The following TTI2 variants were observed in gnomAD, a reference collection of about 807,000 sequenced individuals.
TTI2 encodes TELO2 interacting protein 2.
TTI2 carries 26 observed loss-of-function variants against 44.9 expected under a neutral mutation model. The ratio of observed to expected loss-of-function variants is 0.58; its 90% CI spans 0.42 to 0.80. The LOEUF (loss-of-function observed/expected upper bound fraction) is 0.80, where lower values mean the gene tolerates loss of function less well. Ranked by LOEUF, TTI2 falls within the 30% of genes least tolerant of loss-of-function variation. The pLI is 0.00. For synonymous variants in TTI2, 254 were observed against 250.9 expected, an observed-to-expected ratio of 1.01 and a Z score of -0.12; for missense variants, 582 against 611.6, an observed-to-expected ratio of 0.95 and a Z score of 0.51.
rs1176980682 is a variant in TTI2 at position 33,510,074 on chromosome 8, C to T, written c.648-142G>A. 7.2e-6 allele frequency: 5 copies of T among 691,416 alleles called. No homozygotes were observed. In the East Asian group the frequency reaches 1.1e-4, roughly 15 times the overall value. 42.8% of individuals were successfully genotyped at this position (691,416 alleles called of 1,614,324 possible). On this transcript the variant is annotated intron_variant, in intron 2 of 7. Coordinates refer to ENST00000431156, the MANE Select transcript of TTI2 (RefSeq NM_001102401.4). ...ATCGCACATAAGATAACTCTTGATT[C>T]TATATCATACATTCTAAGATCTGGA...
intron 4 of TTI2, among the ~76,000 whole-genome samples, chr8:33,506,168 G>A (rs892593776): frequency 6.6e-5 from 10 of 152,040 alleles, no homozygotes; most frequent in Admixed American, 5.2e-4. Context: ...GTACATATTC[G>A]TATTTACATA....
chr8:33,502,740 C>T (rs1247393281), intron 6 of TTI2, among the ~76,000 whole-genome samples: 1 of 152,114 alleles, frequency 6.6e-6, no homozygotes, highest in Non-Finnish European at 1.5e-5. Flanking sequence ...GCAGGAGAAT[C>T]ACTTGAATCC....
Position 33,512,462 on chromosome 8 carries a change from A to C in TTI2, c.152T>G (p.Val51Gly), listed in dbSNP as rs868202861. ...EARRGNVKDA[V>G]LKDLGDLIEA... ...TATTAGATCACCGAGGTCTTTAAGA[A>C]CTGCATCTTTTACATTGCCTCGTCG... is the stretch of plus-strand genomic sequence containing the variant. Residue 51 changes from valine to glycine, a missense_variant, in exon 2 of 8, where the codon GTT becomes GGT. Transcript: ENST00000431156. 1 of 1,614,086 alleles carries C rather than the reference A, an allele frequency of 6.2e-7. No homozygotes were observed. Among genetic ancestry groups the C allele is most frequent in the African/African-American group, 1.3e-5 (1 of 75,040 alleles).
intron 3 of TTI2, among the ~76,000 whole-genome samples, chr8:33,508,425 G>C (rs1809383619): frequency 6.6e-6 from 1 of 151,734 alleles, no homozygotes; most frequent in East Asian, 1.9e-4. Flanking sequence ...AACATGGTGA[G>C]ACCCTACCTC....
In TTI2 at chr8:33,503,528, ACTCT is replaced by A. The variant is rs1009406044; in HGVS notation, c.1156_1159del (p.Arg386SerfsTer18). 1 of 1,613,894 alleles carries A rather than the reference ACTCT, an allele frequency of 6.2e-7. No homozygotes were observed. The highest frequency in any genetic ancestry group is 1.1e-5 in the South Asian group (1 of 91,072). On this transcript the variant is annotated frameshift_variant, in exon 6 of 8. Transcript: ENST00000431156. LOFTEE classifies it high-confidence loss of function. ...ATAAACCTCCAGATAACCAATGATG[ACTCT>A]CTCCAGCCTCTTTAAGTGCCGGACA...
At chr8:33,509,978 G>GAAAAAAAAA in intron 2 of TTI2, 46 bp from the exon 3 acceptor site, 1 of 265,306 alleles carries the variant, frequency 3.8e-6, no homozygotes, top group Non-Finnish European at 5.7e-6. Context: ...GTGATAAGTA[G>GAAAAAAAAA]CAAAAAAAAA....
chr8:33,509,132 CAAAAAAAAAA>C (rs751009227), intron 3 of TTI2, among the ~76,000 whole-genome samples: 4 of 97,104 alleles, frequency 4.1e-5, no homozygotes, highest in Non-Finnish European at 7.9e-5. Context: ...GATAATGTCT[CAAAAAAAAAA>C]AAAAAAAAAG....
Position 33,504,289 on chromosome 8 carries a change from ATTTTTTTT to A in TTI2, c.928-362_928-355del, listed in dbSNP as rs1169577360. On this transcript the variant is annotated intron_variant, in intron 4 of 7. Coordinates refer to ENST00000431156, the MANE Select transcript of TTI2 (RefSeq NM_001102401.4). Reference sequence around the variant, plus strand: ...ACTTAGTGATACATGATATTTACACATTTTTTTTTTTTTTTTTTTTTTTTTGTGAGACA... The same window carrying A: ...ACTTAGTGATACATGATATTTACACATTTTTTTTTTTTTTTTTGTGAGACA... 1.6e-4 allele frequency among the ~76,000 whole-genome samples: 12 copies of A among 72,992 alleles called. No homozygotes were observed. In the East Asian group the frequency reaches 4.0e-3, roughly 24 times the overall value. The allele number at this position is 72,992 out of a possible 152,430, so 47.9% of individuals were successfully genotyped here.
At chr8:33,502,550 C>A (rs2128827523) in intron 6 of TTI2, among the ~76,000 whole-genome samples, 1 of 152,058 alleles carries the variant, frequency 6.6e-6, no homozygotes, top group South Asian at 2.1e-4. Flanking sequence ...TATAGCCAGG[C>A]ACAGTGGCCC....
At chr8:33,511,919 T>A (rs935196768) in intron 2 of TTI2, 48 bp downstream of exon 2, 50 of 1,584,894 alleles carry the variant, frequency 3.2e-5, no homozygotes, top group African/African-American at 8.1e-5. Flanking sequence ...AAAATAAAAA[T>A]AAAAAACTGT....
At chr8:33,511,741 C>A (rs1809535320) in intron 2 of TTI2, among the ~76,000 whole-genome samples, 2 of 151,796 alleles carry the variant, frequency 1.3e-5, no homozygotes, top group Admixed American at 6.6e-5. Context: ...TACAAAAAAT[C>A]AGCCAGGCGT....
In TTI2 at chr8:33,501,291, CTCTA is replaced by C. The variant is rs1442505615; in HGVS notation, c.1260-805_1260-802del. On this transcript the variant is annotated intron_variant, in intron 6 of 7. Coordinates refer to ENST00000431156, the MANE Select transcript of TTI2 (RefSeq NM_001102401.4). ...GTGACTGGGAGAAAAAAGTTTTCATCTCTATCTAAATACTCCTCATTTTCCTATG... is the reference window on the plus strand; with the variant it reads ...GTGACTGGGAGAAAAAAGTTTTCATCTCTAAATACTCCTCATTTTCCTATG... 4 of 152,230 alleles carry C rather than the reference CTCTA, an allele frequency of 2.6e-5. No individual in the cohort carries two copies. In the East Asian group the frequency reaches 7.7e-4, roughly 29 times the overall value. The allele number at this position is 152,230 out of a possible 1,614,324, so 9.4% of individuals were successfully genotyped here. A position where few individuals can be genotyped will look rare whatever the true frequency, so the allele number is the denominator to read the frequency against.
Position 33,498,992 on chromosome 8 carries a change from G to T in TTI2, c.*181C>A. 1 of 614,918 alleles carries T rather than the reference G, an allele frequency of 1.6e-6. No individual in the cohort carries two copies. Among genetic ancestry groups the T allele is most frequent in the Non-Finnish European group, 2.8e-6 (1 of 351,290 alleles). The allele number at this position is 614,918 out of a possible 1,614,324, so 38.1% of individuals were successfully genotyped here. ...CAAACTTTATTTAGAAATGGAAGGA[G>T]TTCAATTTTTTCTTGTTCTACTTTC... On this transcript the variant is annotated 3_prime_UTR_variant, in exon 8 of 8. Transcript: ENST00000431156.
At chr8:33,508,367 C>A (rs1051665881) in intron 3 of TTI2, among the ~76,000 whole-genome samples, 1 of 151,730 alleles carries the variant, frequency 6.6e-6, no homozygotes, top group African/African-American at 2.4e-5. Flanking sequence ...TTTAGGAGGC[C>A]GAGGTTGGTG....
chr8:33,509,706 C>A, intron 3 of TTI2, 40 bp downstream of exon 3: 2 of 1,585,768 alleles, frequency 1.3e-6, no homozygotes, highest in South Asian at 1.1e-5. Context: ...ATGACTCAGT[C>A]TGTCCTGTCA....
At chr8:33,503,695 T>G in intron 5 of TTI2, 53 bp downstream of exon 5, 2 of 1,610,640 alleles carry the variant, frequency 1.2e-6, no homozygotes, top group East Asian at 2.2e-5. Flanking sequence ...TCAAGCAACA[T>G]AGCAAGATCC....
chr8:33,509,589 T>G (rs1809443349), intron 3 of TTI2, among the ~76,000 whole-genome samples, 157 bp downstream of exon 3: 1 of 152,030 alleles, frequency 6.6e-6, no homozygotes, highest in Non-Finnish European at 1.5e-5. Context: ...TTACATTACC[T>G]ATAGGATACA....
At chr8:33,508,901 G>C (rs1809404439) in intron 3 of TTI2, among the ~76,000 whole-genome samples, 1 of 151,948 alleles carries the variant, frequency 6.6e-6, no homozygotes, top group African/African-American at 2.4e-5. Context: ...CAGCACTATG[G>C]GAGCCCAAGA....
At chr8:33,506,140 A>G (rs901447853) in intron 4 of TTI2, among the ~76,000 whole-genome samples, 11 of 152,174 alleles carry the variant, frequency 7.2e-5, no homozygotes, top group African/African-American at 2.4e-4. Context: ...TGTACTGTAT[A>G]TATATGTAGA....
Sources: gnomAD v4.1 joint callset for allele counts (sites outside exome capture counted in the v4.1 genomes callset) on GRCh38, gnomAD v4.1.1 for gene constraint, MANE v1.5 for transcripts, NCBI Gene and HGNC (gene_info 2026-07-23, HGNC 2026-07-21) for gene names.